The following PTDSS1 variants were observed in gnomAD, a reference collection of about 807,000 sequenced individuals.
PTDSS1 encodes the protein PSS-1.
Under a neutral mutation model 70.5 loss-of-function variants are expected in PTDSS1, and 45 were observed. That is an observed-to-expected ratio of 0.64 (90% confidence interval 0.50 to 0.82). The LOEUF (loss-of-function observed/expected upper bound fraction) is 0.82, where lower values mean the gene tolerates loss of function less well. Among genes scored for constraint, PTDSS1 ranks in the 40% least tolerant of loss-of-function variants. PTDSS1 has a pLI of 0.00. For synonymous variants in PTDSS1, 188 were observed against 203.8 expected (o/e 0.92, Z 0.66); for missense variants, 417 against 586.1 (o/e 0.71, Z 2.98).
At chr8:96,267,977 G>A (rs149193785) in intron 1 of PTDSS1, among the ~76,000 whole-genome samples, 1 of 152,324 alleles carries the variant, frequency 6.6e-6, no homozygotes, top group Non-Finnish European at 1.5e-5. Flanking sequence ...GTTCCAAGAA[G>A]CACAGAGGAA....
intron 11 of PTDSS1, chr8:96,330,733 C>T (rs890956111): frequency 4.7e-6 from 2 of 421,688 alleles, no homozygotes; most frequent in Non-Finnish European, 8.6e-6. Context: ...GACACGATGG[C>T]CGTCTGGTAG....
intron 2 of PTDSS1, among the ~76,000 whole-genome samples, chr8:96,274,454 G>A (rs578213113): frequency 6.6e-4 from 100 of 152,230 alleles, no homozygotes; most frequent in African/African-American, 1.7e-3. Flanking sequence ...AGCCGGGTGC[G>A]GCGGCTCATG....
chr8:96,331,433 C>G (rs1335452253), intron 12 of PTDSS1, among the ~76,000 whole-genome samples: 2 of 151,828 alleles, frequency 1.3e-5, no homozygotes, highest in African/African-American at 4.8e-5. Context: ...GGACGCTGAG[C>G]CAGGAGAATC....
intron 9 of PTDSS1, among the ~76,000 whole-genome samples, chr8:96,318,562 A>C (rs559057862): frequency 2.0e-5 from 3 of 152,304 alleles, no homozygotes; most frequent in East Asian, 3.9e-4. Flanking sequence ...TCTTAATCAC[A>C]GTCTAGACTT....
At chr8:96,311,132 C>G (rs571342739) in intron 9 of PTDSS1, among the ~76,000 whole-genome samples, 1 of 152,152 alleles carries the variant, frequency 6.6e-6, no homozygotes, top group Non-Finnish European at 1.5e-5. Context: ...CTAGTTTAAC[C>G]TCTTGCTGTT....
At chr8:96,287,333 A>T in intron 4 of PTDSS1, 187 bp downstream of exon 4, 1 of 710,694 alleles carries the variant, frequency 1.4e-6, no homozygotes, top group East Asian at 2.7e-5. Flanking sequence ...GGGAAAGAAA[A>T]TCCTCTCATT....
chr8:96,299,614 T>A (rs1811022874), intron 5 of PTDSS1, 80 bp from the exon 6 acceptor site: 3 of 1,373,332 alleles, frequency 2.2e-6, no homozygotes, highest in African/African-American at 3.0e-5. Context: ...AATAATGTAT[T>A]GTTAAAAAGG....
At chr8:96,329,018 A>G (rs6985710) in intron 10 of PTDSS1, among the ~76,000 whole-genome samples, 2,177 of 152,308 alleles carry the variant, frequency 0.014, 67 homozygotes, top group African/African-American at 0.049. Flanking sequence ...CTGAGCTTTC[A>G]TTCTTCTTCT....
intron 9 of PTDSS1, among the ~76,000 whole-genome samples, chr8:96,310,411 C>CA (rs752603511): frequency 6.6e-6 from 1 of 151,832 alleles, no homozygotes; most frequent in Non-Finnish European, 1.5e-5. Flanking sequence ...ATCTGACCCC[C>CA]TTGGCCTCCC....
At chr8:96,283,216 G>T (rs1810768219) in intron 2 of PTDSS1, among the ~76,000 whole-genome samples, 1 of 152,206 alleles carries the variant, frequency 6.6e-6, no homozygotes, top group African/African-American at 2.4e-5. Flanking sequence ...TGTAAAGAAG[G>T]CTGGGAAACA....
At chr8:96,324,176 T>C (rs955379977) in intron 10 of PTDSS1, among the ~76,000 whole-genome samples, 2 of 152,240 alleles carry the variant, frequency 1.3e-5, no homozygotes, top group African/African-American at 4.8e-5. Context: ...ACTGTTCATA[T>C]TGCTACCAGC....
intron 9 of PTDSS1, 89 bp from the exon 10 acceptor site, chr8:96,320,157 A>T: frequency 8.5e-7 from 1 of 1,171,558 alleles, no homozygotes; most frequent in Non-Finnish European, 1.3e-6. Flanking sequence ...GATGAGTTGA[A>T]CTTTTTCATT....
chr8:96,295,265 G>T lies in PTDSS1; in HGVS notation c.600+9G>T. On this transcript the variant is annotated intron_variant, in intron 5 of 12. Transcript: ENST00000517309. ...CCTGGGAGCTGACTGAGGTAAGAAGGAGGGCATTGGGGGTTCCCCAGACTG... is the reference window on the plus strand; with the variant it reads ...CCTGGGAGCTGACTGAGGTAAGAAGTAGGGCATTGGGGGTTCCCCAGACTG... 2 of 1,611,972 alleles carry T rather than the reference G, an allele frequency of 1.2e-6. No individual in the cohort carries two copies. The highest frequency in any genetic ancestry group is 1.7e-6 in the Non-Finnish European group (2 of 1,178,820).
At position 96,262,361 on chromosome 8, in the gene PTDSS1, G is replaced by A; in HGVS notation, c.179+142G>A. On this transcript the variant is annotated intron_variant, in intron 1 of 12. Coordinates refer to ENST00000517309, the MANE Select transcript of PTDSS1 (RefSeq NM_014754.3). The surrounding 1 kb of genome is among the most constrained non-coding windows in gnomAD (Gnocchi z 4.4). ...CACGCACACGCACTGGCAGCCCGCCGCCCACGCGGCCCCTCCGCCCGCCCG... is the reference window on the plus strand; with the variant it reads ...CACGCACACGCACTGGCAGCCCGCCACCCACGCGGCCCCTCCGCCCGCCCG... 3.6e-6 allele frequency: 4 copies of A among 1,122,094 alleles called. No homozygotes were observed. Among genetic ancestry groups the A allele is most frequent in the Non-Finnish European group, 4.9e-6 (4 of 815,296 alleles). 69.5% of individuals were successfully genotyped at this position (1,122,094 alleles called of 1,614,324 possible).
intron 9 of PTDSS1, among the ~76,000 whole-genome samples, chr8:96,315,714 A>T (rs901388607): frequency 6.6e-6 from 1 of 152,072 alleles, no homozygotes; most frequent in Non-Finnish European, 1.5e-5. Flanking sequence ...AGGCTGCCCA[A>T]ATGTTTATTT....
intron 4 of PTDSS1, among the ~76,000 whole-genome samples, chr8:96,291,452 CTT>C (rs200644968): frequency 4.4e-4 from 54 of 123,534 alleles, no homozygotes; most frequent in Admixed American, 4.1e-4. Flanking sequence ...ATGGGCTTTT[CTT>C]TTTTTTTTTT....
intron 2 of PTDSS1, 143 bp downstream of exon 2, chr8:96,273,533 G>A: frequency 3.2e-6 from 2 of 617,620 alleles, no homozygotes; most frequent in Non-Finnish European, 2.7e-6. Context: ...GAGGCAGACT[G>A]CCCATTCTGC....
intron 4 of PTDSS1, 150 bp downstream of exon 4, chr8:96,287,296 A>C: frequency 2.9e-6 from 3 of 1,051,686 alleles, no homozygotes; most frequent in African/African-American, 1.6e-5. Flanking sequence ...GTTGAGTTGC[A>C]TGGTTGTCCA....
At chr8:96,302,399 C>T (rs1304892574) in intron 6 of PTDSS1, among the ~76,000 whole-genome samples, 2 of 152,160 alleles carry the variant, frequency 1.3e-5, no homozygotes, top group East Asian at 3.8e-4. Flanking sequence ...AGTATTGCTC[C>T]AAGCAAGCTT....
Sources: gnomAD v4.1 joint callset for allele counts (sites outside exome capture counted in the v4.1 genomes callset) on GRCh38, gnomAD v4.1.1 for gene constraint, Gnocchi (gnomAD v3.1) non-coding constraint, MANE v1.5 for transcripts, NCBI Gene and HGNC (gene_info 2026-07-23, HGNC 2026-07-21) for gene names.